ZNF597: variants seen among roughly 807,000 people sequenced by gnomAD.
The protein encoded by ZNF597 is zinc finger protein 597.
In ZNF597, 5 loss-of-function variants were observed where a neutral mutation model predicts 7.3. The observed-to-expected ratio is 0.68, with a 90% CI of 0.36 to 1.44. The LOEUF (loss-of-function observed/expected upper bound fraction) is 1.44, where lower values mean the gene tolerates loss of function less well. ZNF597 is among the 40% of genes most tolerant of loss of function. ZNF597 has a pLI of 0.04. For synonymous variants in ZNF597, 209 were observed against 185.4 expected, an observed-to-expected ratio of 1.13 and a Z score of -1.04; for missense variants, 585 against 517.9, an observed-to-expected ratio of 1.13 and a Z score of -1.26.
At position 3,437,136 on chromosome 16, in the gene ZNF597, T is replaced by A; in HGVS notation, c.563A>T (p.Asp188Val). Residue 188 changes from aspartate (D) to valine (V), a missense_variant, in exon 4 of 4, where the codon GAC (aspartate) becomes GTC (valine). By Grantham distance (152) the Asp-to-Val change is radical. Coordinates refer to ENST00000301744, the MANE Select transcript of ZNF597 (RefSeq NM_152457.3). ...TCTATGATTGAAGATCTTTCCACAG[T>A]CACCACATTTATGTTTTTTCTCTCC... ...HSGEKKHKCG[D>V]CGKIFNHRAN... The A allele has an allele frequency of 6.2e-7, 1 of 1,614,180 alleles. No homozygotes were observed. The highest frequency in any genetic ancestry group is 1.1e-5 in the South Asian group (1 of 91,082).
At chr16:3,440,615 C>T (rs778408525) in intron 3 of ZNF597, among the ~76,000 whole-genome samples, 192 bp downstream of exon 3, 1 of 151,542 alleles carries the variant, frequency 6.6e-6, no homozygotes, top group Admixed American at 6.6e-5. Flanking sequence ...GCCTGGGCAA[C>T]AGAGCGAGAG....
chr16:3,435,214 A>C lies in ZNF597; in HGVS notation c.*1210T>G, dbSNP rs1165627988. 1 of 152,222 alleles carries C rather than the reference A, an allele frequency of 6.6e-6. No homozygotes were observed. Among genetic ancestry groups the C allele is most frequent in the African/African-American group, 2.4e-5 (1 of 41,460 alleles). The allele number at this position is 152,222 out of a possible 1,614,324, so 9.4% of individuals were successfully genotyped here. ...AATCTCTCATCTGATTAGAGGGACA[A>C]GAATTCAAACCTGAAGTCCTGGAGA... is the stretch of plus-strand genomic sequence containing the variant. On this transcript the variant is annotated 3_prime_UTR_variant, in exon 4 of 4. Transcript: ENST00000301744.
rs2034398113 is a variant in ZNF597, at chr16:3,442,503, G to A, written c.33+618C>T. Among the ~76,000 whole-genome samples the A allele has an allele frequency of 2.0e-5, 3 of 152,034 alleles. No individual in the cohort carries two copies. In the South Asian group the frequency reaches 6.2e-4, roughly 32 times the overall value. ...ATCCTGGCTAACACGGTGAAACCCC[G>A]TCTCTACTAAAAATACAAAAAATTA... On this transcript the variant is annotated intron_variant, in intron 2 of 3. Transcript: ENST00000301744.
Position 3,436,046 on chromosome 16 carries a change from C to T in ZNF597, c.*378G>A, listed in dbSNP as rs1271451945. ...TACTTTCCTAGATATGTCTGCAGAA[C>T]TGGCAAAATATAAATAAATTCTCCT... On this transcript the variant is annotated 3_prime_UTR_variant, in exon 4 of 4. Transcript: ENST00000301744. 2 of 188,478 alleles carry T rather than the reference C, an allele frequency of 1.1e-5. No individual in the cohort carries two copies. Among genetic ancestry groups the T allele is most frequent in the Non-Finnish European group, 1.1e-5 (1 of 91,562 alleles). The allele number at this position is 188,478 out of a possible 1,614,324, so 11.7% of individuals were successfully genotyped here.
At chr16:3,438,649 C>T (rs568705671) in intron 3 of ZNF597, among the ~76,000 whole-genome samples, 104 of 151,998 alleles carry the variant, frequency 6.8e-4, no homozygotes, top group Admixed American at 5.6e-3. Context: ...AAGAAACACA[C>T]GGGTTATCAG....
chr16:3,436,331 C>T lies in ZNF597; in HGVS notation c.*93G>A, dbSNP rs955392509. On this transcript the variant is annotated 3_prime_UTR_variant, in exon 4 of 4. Coordinates refer to ENST00000301744, the MANE Select transcript of ZNF597 (RefSeq NM_152457.3). ...ATTACATGGGAATGTGTGTAAAGTG[C>T]TTAGCACATTGCCTGGGACATATAC... is the stretch of plus-strand genomic sequence containing the variant. 7.5e-5 allele frequency: 91 copies of T among 1,219,930 alleles called. No individual in the cohort carries two copies. The highest frequency in any genetic ancestry group is 9.8e-5 in the Non-Finnish European group (86 of 877,142). 75.6% of individuals were successfully genotyped at this position (1,219,930 alleles called of 1,614,324 possible). A position where few individuals can be genotyped will look rare whatever the true frequency, so the allele number is the denominator to read the frequency against.
rs1351890065 is a variant in ZNF597, at chr16:3,435,788, A to T, written c.*636T>A. The T allele has an allele frequency of 2.0e-5, 3 of 152,330 alleles. No homozygotes were observed. The East Asian group carries it at 5.8e-4, about 29-fold the overall frequency. The allele number at this position is 152,330 out of a possible 1,614,324, so 9.4% of individuals were successfully genotyped here. On this transcript the variant is annotated 3_prime_UTR_variant, in exon 4 of 4. Coordinates refer to ENST00000301744, the MANE Select transcript of ZNF597 (RefSeq NM_152457.3). ...CAGTTAGACTTCCAAAACTCCTTGC[A>T]AACAATTGGGTCCTAAATGCCAGTA...
intron 3 of ZNF597, among the ~76,000 whole-genome samples, chr16:3,440,365 G>A (rs1444628783): frequency 6.6e-6 from 1 of 152,236 alleles, no homozygotes; most frequent in East Asian, 1.9e-4. Flanking sequence ...GCCGGGCTCA[G>A]TGGCTCATGC....
At position 3,436,338 on chromosome 16, in the gene ZNF597, C is replaced by CTGTAT; in HGVS notation, c.*85_*86insATACA. On this transcript the variant is annotated 3_prime_UTR_variant, in exon 4 of 4. Transcript: ENST00000301744. ...GGGAATGTGTGTAAAGTGCTTAGCA[C>CTGTAT]ATTGCCTGGGACATATACAGTAACT... 1 of 1,295,164 alleles carries CTGTAT rather than the reference C, an allele frequency of 7.7e-7. No homozygotes were observed. Among genetic ancestry groups the CTGTAT allele is most frequent in the Non-Finnish European group, 1.1e-6 (1 of 940,160 alleles). 80.2% of individuals were successfully genotyped at this position (1,295,164 alleles called of 1,614,324 possible). A position where few individuals can be genotyped will look rare whatever the true frequency, so the allele number is the denominator to read the frequency against.
intron 3 of ZNF597, among the ~76,000 whole-genome samples, chr16:3,439,432 A>T (rs905460584): frequency 4.6e-5 from 7 of 152,160 alleles, no homozygotes; most frequent in Non-Finnish European, 7.4e-5. Flanking sequence ...CTACAAGTGC[A>T]TGAAGAAACT....
rs2034271122 is a variant in ZNF597 at position 3,433,229 on chromosome 16, AAAC to A, written c.*3192_*3194del. 6.6e-6 allele frequency: 1 copy of A among 152,254 alleles called. No homozygotes were observed. Among genetic ancestry groups the A allele is most frequent in the Non-Finnish European group, 1.5e-5 (1 of 68,032 alleles). 9.4% of individuals were successfully genotyped at this position (152,254 alleles called of 1,614,324 possible). ...AACTATTCTGAGTCGACCTCATTCAAAACAACTACATTCCACAATTTCTTAAAT... is the reference window on the plus strand; with the variant it reads ...AACTATTCTGAGTCGACCTCATTCAAAACTACATTCCACAATTTCTTAAAT... On this transcript the variant is annotated 3_prime_UTR_variant, in exon 4 of 4. Coordinates refer to ENST00000301744, the MANE Select transcript of ZNF597 (RefSeq NM_152457.3).
chr16:3,432,657 C>A lies in ZNF597; in HGVS notation c.*3767G>T, dbSNP rs192873168. On this transcript the variant is annotated 3_prime_UTR_variant, in exon 4 of 4. Coordinates refer to ENST00000301744, the MANE Select transcript of ZNF597 (RefSeq NM_152457.3). ...AAGAATATTTATATTGTATTCCCCCCCTACAGACTTAATGCAAAGAGGACT... is the reference window on the plus strand; with the variant it reads ...AAGAATATTTATATTGTATTCCCCCACTACAGACTTAATGCAAAGAGGACT... 1.3e-5 allele frequency: 2 copies of A among 152,262 alleles called. No individual in the cohort carries two copies. Among genetic ancestry groups the A allele is most frequent in the Non-Finnish European group, 2.9e-5 (2 of 68,020 alleles). 9.4% of individuals were successfully genotyped at this position (152,262 alleles called of 1,614,324 possible).
In ZNF597 at chr16:3,439,259, T is replaced by C. The variant is rs1027046946; in HGVS notation, c.160+1548A>G. 2.6e-4 allele frequency among the ~76,000 whole-genome samples: 39 copies of C among 151,788 alleles called. 1 individual carries two copies. Among genetic ancestry groups the C allele is most frequent in the Non-Finnish European group, 3.2e-4 (22 of 67,958 alleles). On this transcript the variant is annotated intron_variant, in intron 3 of 3. Transcript: ENST00000301744. ...AAAGACAAGCATGGTAGTGCATGCCTGTAGTCCCAGCTACTTGGGAGGCTG... is the reference window on the plus strand; with the variant it reads ...AAAGACAAGCATGGTAGTGCATGCCCGTAGTCCCAGCTACTTGGGAGGCTG...
In ZNF597 at chr16:3,436,302, A is replaced by C. The variant is rs1355477025; in HGVS notation, c.*122T>G. 3 of 920,538 alleles carry C rather than the reference A, an allele frequency of 3.3e-6. No homozygotes were observed. Among genetic ancestry groups the C allele is most frequent in the Non-Finnish European group, 4.8e-6 (3 of 624,988 alleles). 57.0% of individuals were successfully genotyped at this position (920,538 alleles called of 1,614,324 possible). ...CTAAATCACGGTTGTGCTGAGAATT[A>C]AGTATTACATGGGAATGTGTGTAAA... is the stretch of plus-strand genomic sequence containing the variant. On this transcript the variant is annotated 3_prime_UTR_variant, in exon 4 of 4. Coordinates refer to ENST00000301744, the MANE Select transcript of ZNF597 (RefSeq NM_152457.3).
chr16:3,443,069 G>A (rs1016551304), intron 2 of ZNF597, 52 bp downstream of exon 2: 8 of 1,611,328 alleles, frequency 5.0e-6, no homozygotes, highest in African/African-American at 2.7e-5. Context: ...AGGGGGTCAG[G>A]CAGAGACCGA....
At chr16:3,442,277 C>G (rs1010938521) in intron 2 of ZNF597, among the ~76,000 whole-genome samples, 5 of 152,052 alleles carry the variant, frequency 3.3e-5, no homozygotes, top group Admixed American at 2.0e-4. Flanking sequence ...ATTTTGGGAA[C>G]CATTCCAGAA....
chr16:3,434,323 G>A lies in ZNF597; in HGVS notation c.*2101C>T, dbSNP rs1261348005. ...GTTTCTCCCACTGAGGGCAGAAGCA[G>A]GAGAGCAAGGAGGTGGTGTTCTTGT... On this transcript the variant is annotated 3_prime_UTR_variant, in exon 4 of 4. Coordinates refer to ENST00000301744, the MANE Select transcript of ZNF597 (RefSeq NM_152457.3). 6.6e-6 allele frequency: 1 copy of A among 152,218 alleles called. No homozygotes were observed. The highest frequency in any genetic ancestry group is 1.5e-5 in the Non-Finnish European group (1 of 68,052). 9.4% of individuals were successfully genotyped at this position (152,218 alleles called of 1,614,324 possible). A position where few individuals can be genotyped will look rare whatever the true frequency, so the allele number is the denominator to read the frequency against.
At chr16:3,437,700 C>A (rs931371443) in intron 3 of ZNF597, among the ~76,000 whole-genome samples, 162 bp from the exon 4 acceptor site, 1 of 151,822 alleles carries the variant, frequency 6.6e-6, no homozygotes, top group African/African-American at 2.4e-5. Flanking sequence ...GCAGACTCTC[C>A]TGGCCTCCCA....
chr16:3,436,905 T>G lies in ZNF597; in HGVS notation c.794A>C (p.Glu265Ala). 6.2e-7 allele frequency: 1 copy of G among 1,614,258 alleles called. No homozygotes were observed. Among genetic ancestry groups the G allele is most frequent in the Non-Finnish European group, 8.5e-7 (1 of 1,180,056 alleles). Residue 265 changes from glutamate to alanine, a missense_variant, in exon 4 of 4, where the codon GAA (glutamate) becomes GCA (alanine). Coordinates refer to ENST00000301744, the MANE Select transcript of ZNF597 (RefSeq NM_152457.3). ...ACAGTTAGTAGATTCGTAGGTGTTT[T>G]CAGCACTGTGGCTTTTCTGATGCTG... ...LAQHQKSHSA[E>A]NTYESTNCDK...
Sources: allele counts gnomAD v4.1 joint callset (sites outside exome capture counted in the v4.1 genomes callset), GRCh38; gene constraint gnomAD v4.1.1; transcripts MANE v1.5; gene names NCBI Gene and HGNC (gene_info 2026-07-23, HGNC 2026-07-21).